DAD1: variants seen among roughly 807,000 people sequenced by gnomAD.
The protein encoded by DAD1 is defender against cell death 1.
DAD1 carries 4 observed loss-of-function variants against 9.0 expected under a neutral mutation model. The observed-to-expected ratio is 0.44, with a 90% CI of 0.22 to 1.01. The LOEUF (loss-of-function observed/expected upper bound fraction) is 1.01, where lower values mean the gene tolerates loss of function less well. Ranked by LOEUF, DAD1 falls within the 50% of genes least tolerant of loss-of-function variation. The pLI is 0.24. For synonymous variants in DAD1, 60 were observed against 62.5 expected (o/e 0.96, Z 0.19); for missense variants, 119 against 137.3 (o/e 0.87, Z 0.67).
intron 2 of DAD1, among the ~76,000 whole-genome samples, chr14:22,571,784 C>T (rs970023770): frequency 3.3e-5 from 5 of 151,984 alleles, no homozygotes; most frequent in African/African-American, 1.2e-4. Flanking sequence ...CACCGGCCAC[C>T]ACGCCCAGCT....
chr14:22,567,324 T>A (rs1232371445), intron 2 of DAD1, among the ~76,000 whole-genome samples: 1 of 152,238 alleles, frequency 6.6e-6, no homozygotes, highest in Non-Finnish European at 1.5e-5. Context: ...GTTCAAATAC[T>A]GATTTTCCTT....
chr14:22,584,117 G>C (rs1191047012), intron 1 of DAD1, among the ~76,000 whole-genome samples: 1 of 152,072 alleles, frequency 6.6e-6, no homozygotes, highest in Non-Finnish European at 1.5e-5. Context: ...AACTCTGTGA[G>C]AGTAGAAGCC....
chr14:22,581,444 T>G (rs1217481702), intron 1 of DAD1, among the ~76,000 whole-genome samples: 1 of 152,102 alleles, frequency 6.6e-6, no homozygotes, highest in East Asian at 1.9e-4. Flanking sequence ...TGACATGTTA[T>G]AAACACAAGG....
intron 1 of DAD1, among the ~76,000 whole-genome samples, chr14:22,583,263 G>A (rs2037130166): frequency 6.6e-6 from 1 of 152,118 alleles, no homozygotes; most frequent in Non-Finnish European, 1.5e-5. Flanking sequence ...AAAATACAAA[G>A]TGAAGGTATC....
intron 1 of DAD1, among the ~76,000 whole-genome samples, chr14:22,577,069 A>C (rs1166887373): frequency 6.6e-6 from 1 of 152,228 alleles, no homozygotes; most frequent in African/African-American, 2.4e-5. Context: ...TCCTCAAAAA[A>C]ATTAAAAACA....
At chr14:22,579,415 C>T (rs1389051277) in intron 1 of DAD1, among the ~76,000 whole-genome samples, 8 of 152,224 alleles carry the variant, frequency 5.3e-5, no homozygotes, top group Non-Finnish European at 1.5e-5. Context: ...CAGAGCCTGT[C>T]ACCATGGCAA....
intron 2 of DAD1, among the ~76,000 whole-genome samples, chr14:22,572,113 C>T (rs1248418361): frequency 6.6e-6 from 1 of 152,050 alleles, no homozygotes; most frequent in Non-Finnish European, 1.5e-5. Flanking sequence ...TTTTTTTAAC[C>T]CAATGCCATT....
intron 2 of DAD1, among the ~76,000 whole-genome samples, chr14:22,573,527 G>T (rs1037017608): frequency 6.6e-6 from 1 of 151,858 alleles, no homozygotes; most frequent in Non-Finnish European, 1.5e-5. Flanking sequence ...ATCCTAACAC[G>T]GTGAAACTCC....
chr14:22,588,903 C>A (rs1393272955), intron 1 of DAD1, 44 bp downstream of exon 1: 1 of 1,599,266 alleles, frequency 6.3e-7, no homozygotes, highest in African/African-American at 1.3e-5. Context: ...AAGCAGCACA[C>A]CAAAGTAACA....
rs543383893 is a variant in DAD1 at position 22,580,790 on chromosome 14, C to T, written c.212-5557G>A. 6.4e-4 allele frequency among the ~76,000 whole-genome samples: 98 copies of T among 152,220 alleles called. 1 individual carries two copies. The Middle Eastern group carries it at 0.01, about 16-fold the overall frequency. ...TAGGGGGTGGCCATGCTTGGGGAGG[C>T]GTACTAATCACGTGGGAAGCTTTCC... is the stretch of plus-strand genomic sequence containing the variant. On this transcript the variant is annotated intron_variant, in intron 1 of 2. Transcript: ENST00000250498.
intron 1 of DAD1, among the ~76,000 whole-genome samples, chr14:22,580,029 A>G (rs2037105240): frequency 6.6e-6 from 1 of 151,152 alleles, no homozygotes; most frequent in African/African-American, 2.4e-5. Flanking sequence ...TTTTTGGTAA[A>G]GACAAGGTCT....
chr14:22,587,741 CTT>C (rs368168879), intron 1 of DAD1, among the ~76,000 whole-genome samples: 8 of 139,064 alleles, frequency 5.8e-5, no homozygotes, highest in Admixed American at 1.4e-4. Flanking sequence ...TGTCACCAGA[CTT>C]TTTTTTTTTT....
intron 1 of DAD1, among the ~76,000 whole-genome samples, chr14:22,578,005 G>A (rs939804956): frequency 3.9e-5 from 6 of 152,112 alleles, no homozygotes; most frequent in Admixed American, 3.9e-4. Flanking sequence ...TGTAATCCCA[G>A]CACTTTGGGA....
chr14:22,586,767 A>G (rs1312364821), intron 1 of DAD1, among the ~76,000 whole-genome samples: 6 of 152,218 alleles, frequency 3.9e-5, no homozygotes, highest in African/African-American at 1.4e-4. Flanking sequence ...CAAATTTCCC[A>G]TTAAAACCAG....
intron 1 of DAD1, among the ~76,000 whole-genome samples, chr14:22,586,742 CA>C (rs2037155739): frequency 6.6e-6 from 1 of 152,184 alleles, no homozygotes; most frequent in African/African-American, 2.4e-5. Flanking sequence ...ACAATCAAAA[CA>C]AAGGATAAGC....
At chr14:22,572,334 T>C (rs988696762) in intron 2 of DAD1, among the ~76,000 whole-genome samples, 8 of 152,178 alleles carry the variant, frequency 5.3e-5, no homozygotes, top group African/African-American at 1.9e-4. Flanking sequence ...TGTGGCACAG[T>C]GCACATATAG....
At chr14:22,584,158 G>C (rs567795259) in intron 1 of DAD1, among the ~76,000 whole-genome samples, 6 of 152,182 alleles carry the variant, frequency 3.9e-5, no homozygotes, top group Admixed American at 3.3e-4. Context: ...TGAATTCCCA[G>C]CACCTTGGCA....
chr14:22,566,492 C>T (rs1002178536), intron 2 of DAD1, among the ~76,000 whole-genome samples: 2 of 152,144 alleles, frequency 1.3e-5, no homozygotes, highest in African/African-American at 4.8e-5. Context: ...TGCCACCACA[C>T]CCAGCTAATT....
rs753648265 is a variant in DAD1, at chr14:22,589,142, C to T, written c.16G>A (p.Val6Met). The T allele has an allele frequency of 6.2e-7, 1 of 1,614,226 alleles. No homozygotes were observed. Reference protein sequence around the residue: MSASVVSVISRFLEEY... With the variant: MSASVMSVISRFLEEY... ...TCTAAGAACCGCGAAATGACAGACA[C>T]TACCGACGCCGACATAACTGCACGC... The change falls in exon 1 of 3, where the codon GTG (valine) becomes ATG (methionine). Residue 6 changes from valine to methionine, a missense_variant. Physicochemically the swap from Val to Met is conservative, Grantham distance 21. Transcript: ENST00000250498.
Sources: gnomAD v4.1 joint callset for allele counts (sites outside exome capture counted in the v4.1 genomes callset) on GRCh38, gnomAD v4.1.1 for gene constraint, MANE v1.5 for transcripts, NCBI Gene and HGNC (gene_info 2026-07-23, HGNC 2026-07-21) for gene names.